The following TAFA2 variants were observed in gnomAD, a reference collection of about 807,000 sequenced individuals.
The protein encoded by TAFA2 is TAFA chemokine like family member 2, also known as chemokine-like protein TAFA-2.
In TAFA2, 7 loss-of-function variants were observed where a neutral mutation model predicts 18.8. The observed-to-expected ratio is 0.37, with a 90% CI of 0.21 to 0.70. The LOEUF (loss-of-function observed/expected upper bound fraction) is 0.70, where lower values mean the gene tolerates loss of function less well. Ranked by LOEUF, TAFA2 falls within the 30% of genes least tolerant of loss-of-function variation. TAFA2 has a pLI of 0.53. For synonymous variants in TAFA2, 60 were observed against 54.2 expected, an observed-to-expected ratio of 1.11 and a Z score of -0.47; for missense variants, 122 against 158.1, an observed-to-expected ratio of 0.77 and a Z score of 1.23.
At chr12:62,152,960 G>A (rs765040093) in intron 1 of TAFA2, among the ~76,000 whole-genome samples, 4 of 152,052 alleles carry the variant, frequency 2.6e-5, no homozygotes, top group Non-Finnish European at 5.9e-5. Flanking sequence ...ATATACTACC[G>A]GACTCTAAGT....
At chr12:61,801,986 A>C (rs1177028687) in intron 2 of TAFA2, among the ~76,000 whole-genome samples, 1 of 152,162 alleles carries the variant, frequency 6.6e-6, no homozygotes, top group Non-Finnish European at 1.5e-5. Flanking sequence ...GAAGACATAC[A>C]AATAGCCAAC....
At chr12:62,107,901 G>A (rs1869531322) in intron 1 of TAFA2, among the ~76,000 whole-genome samples, 1 of 150,778 alleles carries the variant, frequency 6.6e-6, no homozygotes, top group Admixed American at 6.7e-5. Flanking sequence ...TTAATATGCT[G>A]TAAAGAGTAT....
At chr12:62,116,456 T>A (rs1050691648) in intron 1 of TAFA2, among the ~76,000 whole-genome samples, 3 of 152,224 alleles carry the variant, frequency 2.0e-5, no homozygotes, top group African/African-American at 7.2e-5. Context: ...CAAACCTCCA[T>A]AAAGTATCTT....
At chr12:61,880,484 A>G (rs1875075999) in intron 1 of TAFA2, 1 of 534,520 alleles carries the variant, frequency 1.9e-6, no homozygotes. Context: ...GGACATCAAG[A>G]CTGCCACCTA....
chr12:61,796,837 G>A (rs1317397353), intron 2 of TAFA2, among the ~76,000 whole-genome samples: 1 of 152,072 alleles, frequency 6.6e-6, no homozygotes, highest in Non-Finnish European at 1.5e-5. Flanking sequence ...TGTGTTCCTA[G>A]ATTATAAGAA....
chr12:62,112,106 GT>G (rs1197078925), intron 1 of TAFA2, among the ~76,000 whole-genome samples: 6 of 152,154 alleles, frequency 3.9e-5, no homozygotes, highest in African/African-American at 9.7e-5. Context: ...AATTTGGTGT[GT>G]TTTTGCAGTG....
At chr12:61,877,498 G>A (rs1047679265) in intron 1 of TAFA2, among the ~76,000 whole-genome samples, 7 of 152,056 alleles carry the variant, frequency 4.6e-5, no homozygotes, top group Non-Finnish European at 1.0e-4. Context: ...AGGTGGTGGT[G>A]GAAGCCTATT....
chr12:61,934,807 G>A (rs1482239633), intron 1 of TAFA2, among the ~76,000 whole-genome samples: 1 of 152,082 alleles, frequency 6.6e-6, no homozygotes, highest in Non-Finnish European at 1.5e-5. Flanking sequence ...GCTAACTCAG[G>A]AAAAGAATAA....
rs60060097 is a variant in TAFA2, at chr12:62,185,105, A to G, written c.-2+6154T>C. Among the ~76,000 whole-genome samples the G allele has an allele frequency of 5.8e-4, 88 of 152,354 alleles. 1 individual carries two copies. In the East Asian group the frequency reaches 0.015, roughly 25 times the overall value. On this transcript the variant is annotated intron_variant, in intron 1 of 4. Coordinates refer to ENST00000416284, the MANE Select transcript of TAFA2 (RefSeq NM_178539.5). ...CTGACCCAATTCTGAATGTATATTT[A>G]TAAGCATGCCAATTATCAGTCTAAT...
At chr12:61,935,303 T>G (rs534892867) in intron 1 of TAFA2, among the ~76,000 whole-genome samples, 3 of 152,282 alleles carry the variant, frequency 2.0e-5, no homozygotes, top group South Asian at 2.1e-4. Flanking sequence ...AATCTGTTTC[T>G]CAACTGATAG....
At chr12:61,994,742 C>T (rs1367169345) in intron 1 of TAFA2, among the ~76,000 whole-genome samples, 1 of 152,092 alleles carries the variant, frequency 6.6e-6, no homozygotes, top group East Asian at 1.9e-4. Flanking sequence ...CTCAATCTCC[C>T]TTCGTTTCCG....
chr12:61,953,528 C>T (rs1485015780), intron 1 of TAFA2, among the ~76,000 whole-genome samples: 1 of 152,114 alleles, frequency 6.6e-6, no homozygotes, highest in East Asian at 1.9e-4. Context: ...GGGAAGTTCA[C>T]ATTTCTTAAA....
chr12:61,906,925 A>T (rs568374200), intron 1 of TAFA2, among the ~76,000 whole-genome samples: 3 of 152,230 alleles, frequency 2.0e-5, no homozygotes, highest in African/African-American at 7.2e-5. Context: ...GGTATCTGGC[A>T]GAAGAAATTT....
At chr12:62,201,787 T>G (rs1456323507) in intron 1 of TAFA2, among the ~76,000 whole-genome samples, 4 of 152,200 alleles carry the variant, frequency 2.6e-5, no homozygotes, top group African/African-American at 9.6e-5. Context: ...TCCTTTTCAA[T>G]TGTCTGGAAT....
chr12:62,147,575 A>C (rs1045919144), intron 1 of TAFA2, among the ~76,000 whole-genome samples: 3 of 150,236 alleles, frequency 2.0e-5, no homozygotes, highest in Non-Finnish European at 4.4e-5. Context: ...TAAAAAATAC[A>C]AAAAATTAGC....
intron 1 of TAFA2, among the ~76,000 whole-genome samples, chr12:62,254,042 C>T (rs1169965622): frequency 2.6e-5 from 4 of 152,228 alleles, no homozygotes; most frequent in Admixed American, 1.3e-4. Context: ...AGTAAAGCTA[C>T]ACTTTAAATA....
At chr12:61,751,509 T>G (rs184608411) in intron 4 of TAFA2, among the ~76,000 whole-genome samples, 1 of 151,902 alleles carries the variant, frequency 6.6e-6, no homozygotes, top group Non-Finnish European at 1.5e-5. Context: ...AAAATGGGAG[T>G]GACAGACTCT....
chr12:62,251,197 C>T (rs1232651884), intron 1 of TAFA2, among the ~76,000 whole-genome samples: 1 of 152,104 alleles, frequency 6.6e-6, no homozygotes, highest in African/African-American at 2.4e-5. Flanking sequence ...CAGTATTATG[C>T]AGTGGCAAAA....
At chr12:62,002,996 A>C (rs1299206357) in intron 1 of TAFA2, among the ~76,000 whole-genome samples, 2 of 152,042 alleles carry the variant, frequency 1.3e-5, no homozygotes, top group African/African-American at 4.8e-5. Context: ...CTTCTTACTC[A>C]GATTAAATTC....
Sources: allele counts gnomAD v4.1 joint callset (sites outside exome capture counted in the v4.1 genomes callset), GRCh38; gene constraint gnomAD v4.1.1; transcripts MANE v1.5; gene names NCBI Gene and HGNC (gene_info 2026-07-23, HGNC 2026-07-21).